Variants in PDZRN4 observed in about 807,000 individuals in gnomAD.
The protein encoded by PDZRN4 is PDZ domain-containing RING finger protein 4.
PDZRN4 carries 70 observed loss-of-function variants against 99.0 expected under a neutral mutation model. The observed-to-expected ratio is 0.71, with a 90% CI of 0.58 to 0.86. The LOEUF (loss-of-function observed/expected upper bound fraction) is 0.86, where lower values mean the gene tolerates loss of function less well. PDZRN4 is among the 40% of genes least tolerant of loss of function. The probability of loss-of-function intolerance (pLI) is 0.00; values close to 1 mark genes in which losing one functional copy is unlikely to be tolerated. For synonymous variants in PDZRN4, 551 were observed against 501.6 expected (o/e 1.10, Z -1.32); for missense variants, 1,474 against 1,331.2 (o/e 1.11, Z -1.67).
At chr12:41,537,511 T>C (rs1039093617) in intron 5 of PDZRN4, among the ~76,000 whole-genome samples, 1 of 152,140 alleles carries the variant, frequency 6.6e-6, no homozygotes, top group African/African-American at 2.4e-5. Context: ...CTACTTCAGT[T>C]TGGCTAGGTC....
intron 5 of PDZRN4, among the ~76,000 whole-genome samples, chr12:41,525,466 C>A (rs999788893): frequency 1.3e-5 from 2 of 151,934 alleles, no homozygotes; most frequent in African/African-American, 4.8e-5. Context: ...CATGTAATAT[C>A]ATGGCTGACA....
chr12:41,198,841 A>G (rs950122116), intron 3 of PDZRN4, among the ~76,000 whole-genome samples: 6 of 152,156 alleles, frequency 3.9e-5, no homozygotes, highest in African/African-American at 1.4e-4. Context: ...GTTTATTACC[A>G]GAAGAAAGAG....
At chr12:41,483,057 G>T (rs979833076) in intron 3 of PDZRN4, among the ~76,000 whole-genome samples, 6 of 151,796 alleles carry the variant, frequency 4.0e-5, no homozygotes, top group Non-Finnish European at 8.8e-5. Flanking sequence ...TTGAGAAGCA[G>T]TCATGAAGTG....
At chr12:41,343,394 C>T (rs975530712) in intron 3 of PDZRN4, among the ~76,000 whole-genome samples, 2 of 151,896 alleles carry the variant, frequency 1.3e-5, no homozygotes, top group African/African-American at 4.8e-5. Flanking sequence ...TTTCAAGGAA[C>T]CATCTTTTTG....
intron 3 of PDZRN4, among the ~76,000 whole-genome samples, chr12:41,361,398 A>G (rs1405390109): frequency 9.2e-5 from 14 of 152,044 alleles, no homozygotes. Flanking sequence ...TAAGACATGC[A>G]GATAAAGATG....
intron 3 of PDZRN4, among the ~76,000 whole-genome samples, chr12:41,258,770 T>C (rs1951219095): frequency 6.6e-6 from 1 of 152,030 alleles, no homozygotes; most frequent in African/African-American, 2.4e-5. Context: ...AGATGATCAA[T>C]AAATAAATAA....
intron 5 of PDZRN4, among the ~76,000 whole-genome samples, chr12:41,524,971 A>G (rs557759865): frequency 1.3e-5 from 2 of 152,290 alleles, no homozygotes; most frequent in Admixed American, 1.3e-4. Flanking sequence ...AATAAGGAAA[A>G]CAAAGGAGTT....
intron 3 of PDZRN4, among the ~76,000 whole-genome samples, chr12:41,436,474 A>C (rs1041046929): frequency 2.0e-5 from 3 of 152,218 alleles, no homozygotes; most frequent in African/African-American, 7.2e-5. Context: ...GTCAGTGATA[A>C]GCAATTAAAA....
At chr12:41,542,037 A>G (rs1938866623) in intron 5 of PDZRN4, among the ~76,000 whole-genome samples, 1 of 152,232 alleles carries the variant, frequency 6.6e-6, no homozygotes, top group Admixed American at 6.5e-5. Context: ...GAGCATGATA[A>G]CAGATGTAAC....
At chr12:41,533,915 C>G (rs1938706327) in intron 5 of PDZRN4, among the ~76,000 whole-genome samples, 1 of 152,020 alleles carries the variant, frequency 6.6e-6, no homozygotes, top group African/African-American at 2.4e-5. Flanking sequence ...AATTGATTGA[C>G]TATTTTTCTC....
chr12:41,359,824 A>G (rs1401605320), intron 3 of PDZRN4, among the ~76,000 whole-genome samples: 1 of 151,978 alleles, frequency 6.6e-6, no homozygotes, highest in African/African-American at 2.4e-5. Context: ...ATACATGTAC[A>G]AAGCAAGGTA....
At chr12:41,440,517 C>A (rs1164688287) in intron 3 of PDZRN4, among the ~76,000 whole-genome samples, 1 of 152,016 alleles carries the variant, frequency 6.6e-6, no homozygotes, top group Non-Finnish European at 1.5e-5. Context: ...GTAAAACAAT[C>A]AGAATGGTGC....
At chr12:41,546,042 G>C (rs1394438594) in intron 5 of PDZRN4, among the ~76,000 whole-genome samples, 1 of 152,194 alleles carries the variant, frequency 6.6e-6, no homozygotes, top group African/African-American at 2.4e-5. Context: ...AGTTCCTTTA[G>C]CATGTGAAAC....
chr12:41,431,004 C>A (rs991150095), intron 3 of PDZRN4, among the ~76,000 whole-genome samples: 2 of 152,012 alleles, frequency 1.3e-5, no homozygotes, highest in African/African-American at 2.4e-5. Flanking sequence ...TTGTGAGGAC[C>A]CTCTCAGGAG....
At chr12:41,511,301 A>G (rs1483344720) in intron 5 of PDZRN4, among the ~76,000 whole-genome samples, 1 of 151,960 alleles carries the variant, frequency 6.6e-6, no homozygotes. Flanking sequence ...AAATATTACA[A>G]TACAGACAGA....
rs11180996 is a variant in PDZRN4, at chr12:41,550,579, G to A, written c.1204-2077G>A. ...ATCATTTCACTGTTTCCTAGTCTACGTCTAGGAAAAAGGATGTTTCACCTT... is the reference window on the plus strand; with the variant it reads ...ATCATTTCACTGTTTCCTAGTCTACATCTAGGAAAAAGGATGTTTCACCTT... On this transcript the variant is annotated intron_variant, in intron 5 of 9. Transcript: ENST00000402685. Among the ~76,000 whole-genome samples the A allele has an allele frequency of 5.3e-3, 808 of 152,058 alleles. 11 individuals carry two copies. Among genetic ancestry groups the A allele is most frequent in the African/African-American group, 0.019 (770 of 41,474 alleles).
chr12:41,248,831 C>A (rs1222743695), intron 3 of PDZRN4, among the ~76,000 whole-genome samples: 1 of 151,948 alleles, frequency 6.6e-6, no homozygotes, highest in Non-Finnish European at 1.5e-5. Flanking sequence ...AACTAAAATA[C>A]AGATTATTTG....
At position 41,188,361 on chromosome 12, in the gene PDZRN4, G is replaced by A. The variant is rs529567520; in HGVS notation, c.-95G>A. On this transcript the variant is annotated 5_prime_UTR_variant, in exon 1 of 10. Transcript: ENST00000402685. ...GCCACCTCCCTCCACTGCCGCCGCC[G>A]CGAGACGGCTGCCCCGGGGGTGGCC... is the stretch of plus-strand genomic sequence containing the variant. The A allele has an allele frequency of 2.4e-6, 3 of 1,246,012 alleles. No individual in the cohort carries two copies. Among genetic ancestry groups the A allele is most frequent in the African/African-American group, 1.6e-5 (1 of 64,092 alleles). The allele number at this position is 1,246,012 out of a possible 1,614,324, so 77.2% of individuals were successfully genotyped here.
chr12:41,195,308 A>G (rs773067677), intron 3 of PDZRN4, among the ~76,000 whole-genome samples: 2 of 152,174 alleles, frequency 1.3e-5, no homozygotes, highest in Non-Finnish European at 1.5e-5. Context: ...TGACTCCACT[A>G]TTGTTTTTAA....
Sources: allele counts gnomAD v4.1 joint callset (sites outside exome capture counted in the v4.1 genomes callset), GRCh38; gene constraint gnomAD v4.1.1; transcripts MANE v1.5; gene names NCBI Gene and HGNC (gene_info 2026-07-23, HGNC 2026-07-21).